Variants in ARHGAP10 observed in about 807,000 individuals in gnomAD.
The protein encoded by ARHGAP10 is rho GTPase-activating protein 10.
In ARHGAP10, 87 loss-of-function variants were observed where a neutral mutation model predicts 108.6. That is an observed-to-expected ratio of 0.80 (90% CI 0.67 to 0.96). The LOEUF (loss-of-function observed/expected upper bound fraction) is 0.96, where lower values mean the gene tolerates loss of function less well. ARHGAP10 is among the 40% of genes least tolerant of loss of function. The pLI is 0.00. For synonymous variants in ARHGAP10, 347 were observed against 341.1 expected, an observed-to-expected ratio of 1.02 and a Z score of -0.19; for missense variants, 939 against 954.5, an observed-to-expected ratio of 0.98 and a Z score of 0.21.
chr4:147,885,479 C>T (rs1431237386), intron 10 of ARHGAP10, among the ~76,000 whole-genome samples: 2 of 152,188 alleles, frequency 1.3e-5, no homozygotes, highest in Non-Finnish European at 2.9e-5. Flanking sequence ...CCAGGTCCCT[C>T]CCACAACATA....
chr4:147,765,333 TGTGTGGGGGGGGGGGTGTGA>T (rs1355251581), intron 1 of ARHGAP10, among the ~76,000 whole-genome samples: 2 of 23,186 alleles, frequency 8.6e-5, no homozygotes, highest in African/African-American at 1.7e-4. Flanking sequence ...GGTGTGTGTG[TGTGTGGGGGGGGGGGTGTGA>T]GTGTGTGTAT....
intron 16 of ARHGAP10, among the ~76,000 whole-genome samples, chr4:147,958,507 G>A (rs764972120): frequency 3.9e-5 from 6 of 152,148 alleles, no homozygotes; most frequent in Admixed American, 2.6e-4. Context: ...ATGTTCTATC[G>A]TTTTTGATAA....
chr4:147,852,586 A>G (rs1411584023), intron 4 of ARHGAP10, among the ~76,000 whole-genome samples: 2 of 151,884 alleles, frequency 1.3e-5, no homozygotes, highest in East Asian at 3.9e-4. Context: ...CATTATCAGT[A>G]GGTTCTTGGA....
At chr4:147,806,166 C>G (rs1303256330) in intron 1 of ARHGAP10, among the ~76,000 whole-genome samples, 1 of 152,062 alleles carries the variant, frequency 6.6e-6, no homozygotes, top group Non-Finnish European at 1.5e-5. Flanking sequence ...GAGAGCTCTC[C>G]CCACCCATCT....
chr4:147,820,580 GTTTTTTTTTTTTTTTT>G (rs57534364), intron 1 of ARHGAP10, among the ~76,000 whole-genome samples: 6 of 49,030 alleles, frequency 1.2e-4, no homozygotes, highest in African/African-American at 4.8e-4. Context: ...ACCTCGGCCA[GTTTTTTTTTTTTTTTT>G]TTTTTTTTTT....
At chr4:147,734,578 T>C (rs915257736) in intron 1 of ARHGAP10, among the ~76,000 whole-genome samples, 7 of 152,186 alleles carry the variant, frequency 4.6e-5, no homozygotes, top group African/African-American at 1.7e-4. Flanking sequence ...CTAGTTCCTA[T>C]CAAAGACTAA....
intron 19 of ARHGAP10, among the ~76,000 whole-genome samples, chr4:148,045,022 G>A (rs1578821917): frequency 6.6e-6 from 1 of 152,106 alleles, no homozygotes; most frequent in South Asian, 2.1e-4. Context: ...CTGCCCTGTG[G>A]AGATACGGTT....
chr4:147,772,792 G>A (rs965041349), intron 1 of ARHGAP10, among the ~76,000 whole-genome samples: 1 of 152,088 alleles, frequency 6.6e-6, no homozygotes, highest in African/African-American at 2.4e-5. Flanking sequence ...ATTCTCTTAA[G>A]TCTAGTGGGG....
At chr4:147,800,728 A>G (rs1731546507) in intron 1 of ARHGAP10, among the ~76,000 whole-genome samples, 1 of 151,760 alleles carries the variant, frequency 6.6e-6, no homozygotes, top group South Asian at 2.1e-4. Flanking sequence ...CTCCTCTGCT[A>G]TTTCCAGGGT....
intron 1 of ARHGAP10, among the ~76,000 whole-genome samples, chr4:147,766,758 C>T (rs1440758013): frequency 1.4e-5 from 2 of 140,850 alleles, no homozygotes; most frequent in African/African-American, 2.7e-5. Context: ...TATATTCATG[C>T]ATATATATTT....
At chr4:147,855,094 G>A (rs1443728401) in intron 4 of ARHGAP10, among the ~76,000 whole-genome samples, 1 of 152,240 alleles carries the variant, frequency 6.6e-6, no homozygotes, top group Non-Finnish European at 1.5e-5. Flanking sequence ...AGTCTGCAGT[G>A]ATAGTGCTTC....
chr4:147,772,881 A>G (rs1187939802), intron 1 of ARHGAP10, among the ~76,000 whole-genome samples: 3 of 152,084 alleles, frequency 2.0e-5, no homozygotes, highest in African/African-American at 7.2e-5. Context: ...CAGCTGTCGT[A>G]TCTCTTAGTA....
At chr4:147,779,809 A>G (rs1320279505) in intron 1 of ARHGAP10, among the ~76,000 whole-genome samples, 1 of 152,192 alleles carries the variant, frequency 6.6e-6, no homozygotes, top group East Asian at 1.9e-4. Flanking sequence ...TAAGCTTTTC[A>G]TGATTCTAAA....
At chr4:147,974,981 C>T (rs951943206) in intron 18 of ARHGAP10, among the ~76,000 whole-genome samples, 5 of 152,134 alleles carry the variant, frequency 3.3e-5, no homozygotes, top group Non-Finnish European at 4.4e-5. Flanking sequence ...GGGTCCCTCC[C>T]ACAACATGTG....
chr4:147,807,046 G>A (rs765236214), intron 1 of ARHGAP10, among the ~76,000 whole-genome samples: 1 of 152,174 alleles, frequency 6.6e-6, no homozygotes, highest in Non-Finnish European at 1.5e-5. Context: ...GCCATTTAGT[G>A]TGGGGGCAGG....
At chr4:148,035,714 C>G (rs1728349307) in intron 19 of ARHGAP10, among the ~76,000 whole-genome samples, 1 of 152,180 alleles carries the variant, frequency 6.6e-6, no homozygotes, top group Non-Finnish European at 1.5e-5. Context: ...CAGTTATAAC[C>G]TGCATCTCAG....
intron 1 of ARHGAP10, among the ~76,000 whole-genome samples, chr4:147,817,347 C>T (rs189446709): frequency 3.9e-5 from 6 of 152,282 alleles, no homozygotes; most frequent in African/African-American, 1.2e-4. Flanking sequence ...GTGACCCAAA[C>T]AGAGATGCTC....
At chr4:147,840,006 G>T (rs748586392) in intron 3 of ARHGAP10, among the ~76,000 whole-genome samples, 1 of 152,168 alleles carries the variant, frequency 6.6e-6, no homozygotes, top group Non-Finnish European at 1.5e-5. Context: ...GCATGGAAAT[G>T]TACTTTGTAC....
At chr4:147,765,542 G>C (rs544523900) in intron 1 of ARHGAP10, among the ~76,000 whole-genome samples, 1 of 152,320 alleles carries the variant, frequency 6.6e-6, no homozygotes, top group African/African-American at 2.4e-5. Flanking sequence ...GCTCATGCCT[G>C]TAATCACAGC....
Sources: allele counts gnomAD v4.1 joint callset (sites outside exome capture counted in the v4.1 genomes callset), GRCh38; gene constraint gnomAD v4.1.1; transcripts MANE v1.5; gene names NCBI Gene and HGNC (gene_info 2026-07-23, HGNC 2026-07-21).